ZC2HC1B: variants seen among roughly 807,000 people sequenced by gnomAD.
ZC2HC1B encodes the protein zinc finger C2HC domain-containing protein 1B.
A neutral mutation model predicts 31.0 loss-of-function variants in ZC2HC1B; 36 were observed. That is an observed-to-expected ratio of 1.16 (90% CI 0.89 to 1.54). The LOEUF is 1.54. Ranked by LOEUF, ZC2HC1B falls within the 40% of genes most tolerant of loss-of-function variation. The pLI, the probability that ZC2HC1B is intolerant of heterozygous loss-of-function variation, is 0.00. For missense variants in ZC2HC1B, 260 were observed against 268.6 expected, an observed-to-expected ratio of 0.97 and a Z score of 0.22; for synonymous variants, 73 against 88.0, an observed-to-expected ratio of 0.83 and a Z score of 0.95.
At chr6:143,925,807 T>C (rs1411745721) in intron 6 of ZC2HC1B, among the ~76,000 whole-genome samples, 1 of 152,178 alleles carries the variant, frequency 6.6e-6, no homozygotes, top group Non-Finnish European at 1.5e-5. Flanking sequence ...AGTGCTGGGA[T>C]TACAGGCATG....
chr6:143,936,649 C>T (rs945780040), intron 6 of ZC2HC1B, among the ~76,000 whole-genome samples: 2 of 152,184 alleles, frequency 1.3e-5, no homozygotes, highest in African/African-American at 4.8e-5. Context: ...GATCTTCGTA[C>T]AGAGACTAAT....
In ZC2HC1B at chr6:143,871,837, G is replaced by A. The variant is rs1046066585; in HGVS notation, c.28+7270G>A. The stretch of plus-strand genomic sequence containing the variant: ...ATGTGGGGGTTCTGCCAGCTGCTAA[G>A]TATGTCTATGCCAATTTTGCATTCT... On this transcript the variant is annotated intron_variant, in intron 1 of 7. Transcript: ENST00000237275. This position sits in a 1 kb window ranked among gnomAD's most constrained non-coding sequence, Gnocchi z 4.1. Among the ~76,000 whole-genome samples, 3 of 152,224 alleles carry A rather than the reference G, an allele frequency of 2.0e-5. No homozygotes were observed. Among genetic ancestry groups the A allele is most frequent in the Non-Finnish European group, 4.4e-5 (3 of 68,044 alleles).
At position 143,886,200 on chromosome 6, in the gene ZC2HC1B, G is replaced by A; in HGVS notation, c.210+49G>A. ...GTTTGTTATTACATTCTGCGGTACTGTAAGGCCTATTTCTGGGATTTCTGG... is the reference window on the plus strand; with the variant it reads ...GTTTGTTATTACATTCTGCGGTACTATAAGGCCTATTTCTGGGATTTCTGG... On this transcript the variant is annotated intron_variant, in intron 3 of 7. Coordinates refer to ENST00000237275, the MANE Select transcript of ZC2HC1B (RefSeq NM_001013623.3). The surrounding 1 kb of genome is among the most constrained non-coding windows in gnomAD (Gnocchi z 4.2). The A allele has an allele frequency of 7.0e-7, 1 of 1,421,356 alleles. No homozygotes were observed. The allele number at this position is 1,421,356 out of a possible 1,614,324, so 88.0% of individuals were successfully genotyped here.
intron 1 of ZC2HC1B, among the ~76,000 whole-genome samples, chr6:143,876,719 G>C (rs1562337292): frequency 1.3e-5 from 2 of 150,596 alleles, no homozygotes; most frequent in Admixed American, 1.3e-4. Flanking sequence ...GAGGAGCAAG[G>C]AGAGCCAGTC....
At chr6:143,891,143 A>G (rs1480120000) in intron 4 of ZC2HC1B, among the ~76,000 whole-genome samples, 1 of 151,504 alleles carries the variant, frequency 6.6e-6, no homozygotes, top group Non-Finnish European at 1.5e-5. Context: ...AAAAAAAAAA[A>G]AAGAAATTTA....
rs77707874 is a variant in ZC2HC1B, at chr6:143,885,552, T to G, written c.91-480T>G. On this transcript the variant is annotated intron_variant, in intron 2 of 7. Transcript: ENST00000237275. This position sits in a 1 kb window ranked among gnomAD's most constrained non-coding sequence, Gnocchi z 4.2. The stretch of plus-strand genomic sequence containing the variant: ...GCAGTGATTTTTATAGAGCTTGTAT[T>G]TTGTGGGGTCTGACAAAGCTACTGT... Among the ~76,000 whole-genome samples the G allele has an allele frequency of 0.048, 7,309 of 152,238 alleles. 267 individuals carry two copies. The highest frequency in any genetic ancestry group is 0.079 in the Admixed American group (1,213 of 15,288).
rs1165718330 is a variant in ZC2HC1B at position 143,921,986 on chromosome 6, G to A, written c.599-15663G>A. ...CTAGGGTTAATGTGTCTTTAAATTA[G>A]TCACATATAATTTGGAGCCATTCTG... is the stretch of plus-strand genomic sequence containing the variant. On this transcript the variant is annotated intron_variant, in intron 6 of 7. Coordinates refer to ENST00000237275, the MANE Select transcript of ZC2HC1B (RefSeq NM_001013623.3). The surrounding 1 kb of genome is among the most constrained non-coding windows in gnomAD (Gnocchi z 6.1). Among the ~76,000 whole-genome samples the A allele has an allele frequency of 6.6e-6, 1 of 152,168 alleles. No homozygotes were observed. The highest frequency in any genetic ancestry group is 1.5e-5 in the Non-Finnish European group (1 of 68,024).
In ZC2HC1B at chr6:143,903,224, A is replaced by G; in HGVS notation, c.598+72A>G. 7.5e-7 allele frequency: 1 copy of G among 1,338,482 alleles called. No homozygotes were observed. The highest frequency in any genetic ancestry group is 1.0e-6 in the Non-Finnish European group (1 of 954,158). 82.9% of individuals were successfully genotyped at this position (1,338,482 alleles called of 1,614,324 possible). A position where few individuals can be genotyped will look rare whatever the true frequency, so the allele number is the denominator to read the frequency against. ...GAGATCACTGTTGGGTTTGGGATTC[A>G]CTGGTAGTCTGCAAAAGCTCTAAGA... On this transcript the variant is annotated intron_variant, in intron 6 of 7. Coordinates refer to ENST00000237275, the MANE Select transcript of ZC2HC1B (RefSeq NM_001013623.3). This position sits in a 1 kb window ranked among gnomAD's most constrained non-coding sequence, Gnocchi z 4.3.
intron 4 of ZC2HC1B, among the ~76,000 whole-genome samples, chr6:143,892,576 G>A (rs1187562581): frequency 1.3e-5 from 2 of 152,156 alleles, no homozygotes; most frequent in Non-Finnish European, 2.9e-5. Context: ...GGGATTACAG[G>A]CGTGAGCCAC....
At position 143,911,717 on chromosome 6, in the gene ZC2HC1B, A is replaced by G. The variant is rs1405401133; in HGVS notation, c.598+8565A>G. Among the ~76,000 whole-genome samples, 1 of 151,884 alleles carries G rather than the reference A, an allele frequency of 6.6e-6. No individual in the cohort carries two copies. Among genetic ancestry groups the G allele is most frequent in the African/African-American group, 2.4e-5 (1 of 41,336 alleles). ...CCTTAACCATTTTTTCTTTCATTTC[A>G]ATCTTGAAGAATCTGATTATTATGT... is the stretch of plus-strand genomic sequence containing the variant. On this transcript the variant is annotated intron_variant, in intron 6 of 7. Coordinates refer to ENST00000237275, the MANE Select transcript of ZC2HC1B (RefSeq NM_001013623.3). The surrounding 1 kb of genome is among the most constrained non-coding windows in gnomAD (Gnocchi z 4.5).
intron 6 of ZC2HC1B, among the ~76,000 whole-genome samples, chr6:143,925,176 T>C (rs1470316161): frequency 3.1e-5 from 2 of 63,738 alleles, no homozygotes; most frequent in African/African-American, 1.2e-4. Context: ...TTTTTTTTTT[T>C]TTTTTTTTTT....
chr6:143,906,918 A>G (rs1400671519), intron 6 of ZC2HC1B, among the ~76,000 whole-genome samples: 1 of 151,900 alleles, frequency 6.6e-6, no homozygotes, highest in Non-Finnish European at 1.5e-5. Context: ...ATTCTTCCTC[A>G]TGCTCTCCCT....
chr6:143,919,606 A>G (rs1318053632), intron 6 of ZC2HC1B, among the ~76,000 whole-genome samples: 2 of 152,142 alleles, frequency 1.3e-5, no homozygotes, highest in African/African-American at 2.4e-5. Context: ...ATCAGAGCAT[A>G]AATCTCTGAT....
chr6:143,933,558 G>A lies in ZC2HC1B; in HGVS notation c.599-4091G>A, dbSNP rs1778146902. 6.6e-6 allele frequency among the ~76,000 whole-genome samples: 1 copy of A among 152,168 alleles called. No individual in the cohort carries two copies. Among genetic ancestry groups the A allele is most frequent in the African/African-American group, 2.4e-5 (1 of 41,436 alleles). On this transcript the variant is annotated intron_variant, in intron 6 of 7. Transcript: ENST00000237275. The surrounding 1 kb of genome is among the most constrained non-coding windows in gnomAD (Gnocchi z 6.4). ...AGGGGATGGTTCTTGGGCCAATGGA[G>A]TTATGTTCCAGAGGGAATTATGGCT... is the stretch of plus-strand genomic sequence containing the variant.
chr6:143,935,400 C>T (rs62427078), intron 6 of ZC2HC1B, among the ~76,000 whole-genome samples: 18,309 of 151,868 alleles, frequency 0.12, 1,543 homozygotes, highest in East Asian at 0.46. Flanking sequence ...TGCTCAATCT[C>T]CAGGCTCCCA....
At chr6:143,930,080 C>T (rs554045945) in intron 6 of ZC2HC1B, among the ~76,000 whole-genome samples, 1 of 151,936 alleles carries the variant, frequency 6.6e-6, no homozygotes, top group Non-Finnish European at 1.5e-5. Context: ...TGTTTTTGGT[C>T]TCAAGTTCAT....
At chr6:143,875,340 C>T (rs1777392922) in intron 1 of ZC2HC1B, among the ~76,000 whole-genome samples, 1 of 136,962 alleles carries the variant, frequency 7.3e-6, no homozygotes, top group African/African-American at 2.7e-5. Context: ...TCCACTCCAC[C>T]ATCATTATGC....
At chr6:143,881,679 AG>A (rs1049212186) in intron 1 of ZC2HC1B, 5 of 152,028 alleles carry the variant, frequency 3.3e-5, no homozygotes, top group Non-Finnish European at 4.4e-5. Flanking sequence ...AAGTCTCAAA[AG>A]GTTCTTTTAA....
In ZC2HC1B at chr6:143,905,508, A is replaced by C. The variant is rs898211161; in HGVS notation, c.598+2356A>C. ...AAGATCATAGCATCTGTGAACAGAG[A>C]TAATTTTACTTCCTCCTTTCCAATT... On this transcript the variant is annotated intron_variant, in intron 6 of 7. Coordinates refer to ENST00000237275, the MANE Select transcript of ZC2HC1B (RefSeq NM_001013623.3). The surrounding 1 kb of genome is among the most constrained non-coding windows in gnomAD (Gnocchi z 4.2). 6.6e-6 allele frequency among the ~76,000 whole-genome samples: 1 copy of C among 152,212 alleles called. No homozygotes were observed. The highest frequency in any genetic ancestry group is 1.5e-5 in the Non-Finnish European group (1 of 68,040).
Sources: gnomAD v4.1 joint callset for allele counts (sites outside exome capture counted in the v4.1 genomes callset) on GRCh38, gnomAD v4.1.1 for gene constraint, Gnocchi (gnomAD v3.1) non-coding constraint, MANE v1.5 for transcripts, NCBI Gene and HGNC (gene_info 2026-07-23, HGNC 2026-07-21) for gene names.